Variants in RBFOX1 observed in about 807,000 individuals in gnomAD.
RBFOX1 encodes RNA binding fox-1 homolog 1.
In RBFOX1, 8 loss-of-function variants were observed where a neutral mutation model predicts 57.7. That is an observed-to-expected ratio of 0.14 (90% CI 0.08 to 0.25). The LOEUF (loss-of-function observed/expected upper bound fraction) is 0.25. Among genes scored for constraint, RBFOX1 ranks in the 10% least tolerant of loss-of-function variants. The pLI, the probability that RBFOX1 is intolerant of heterozygous loss-of-function variation, is 1.00. For missense variants in RBFOX1, 611 were observed against 548.5 expected, an observed-to-expected ratio of 1.11 and a Z score of -1.14; for synonymous variants, 326 against 222.4, an observed-to-expected ratio of 1.47 and a Z score of -4.15.
At chr16:5,518,515 G>A (rs1037983071) in intron 2 of RBFOX1, among the ~76,000 whole-genome samples, 5 of 152,194 alleles carry the variant, frequency 3.3e-5, no homozygotes, top group South Asian at 2.1e-4. Flanking sequence ...AACTAATTAA[G>A]TGGGTCAACC....
At chr16:5,400,704 T>C (rs955208126) in intron 1 of RBFOX1, among the ~76,000 whole-genome samples, 2 of 152,168 alleles carry the variant, frequency 1.3e-5, no homozygotes, top group Admixed American at 1.3e-4. Context: ...GTGTAAACTT[T>C]TGAAGGATTC....
chr16:5,258,427 C>A (rs1346281818), intron 1 of RBFOX1, among the ~76,000 whole-genome samples: 1 of 152,062 alleles, frequency 6.6e-6, no homozygotes, highest in Non-Finnish European at 1.5e-5. Context: ...TTTATATGAT[C>A]ATTGTCATAC....
At chr16:7,343,150 C>T (rs777139069) in intron 4 of RBFOX1, among the ~76,000 whole-genome samples, 6 of 152,040 alleles carry the variant, frequency 3.9e-5, no homozygotes, top group Admixed American at 2.0e-4. Context: ...ACACCGTGGG[C>T]GCTTAATAAA....
chr16:6,049,689 C>T (rs142794992), intron 1 of RBFOX1, among the ~76,000 whole-genome samples: 1 of 152,002 alleles, frequency 6.6e-6, no homozygotes, highest in Non-Finnish European at 1.5e-5. Flanking sequence ...TTCTTATTTC[C>T]AATTCTAAAA....
At chr16:6,773,417 G>C (rs1034869633) in intron 3 of RBFOX1, among the ~76,000 whole-genome samples, 1 of 149,100 alleles carries the variant, frequency 6.7e-6, no homozygotes. Flanking sequence ...ATGTGTATGT[G>C]TGGGAGTTGG....
intron 4 of RBFOX1, among the ~76,000 whole-genome samples, chr16:7,187,081 C>T (rs1184175457): frequency 6.6e-6 from 1 of 150,880 alleles, no homozygotes; most frequent in Non-Finnish European, 1.5e-5. Flanking sequence ...GGTAGGAGGA[C>T]CACTTTAGCC....
At chr16:5,988,009 T>G (rs201615399) in intron 4 of RBFOX1, among the ~76,000 whole-genome samples, 1 of 152,188 alleles carries the variant, frequency 6.6e-6, no homozygotes, top group East Asian at 1.9e-4. Flanking sequence ...AATCTCTGCC[T>G]GGCTCTAGCC....
intron 4 of RBFOX1, among the ~76,000 whole-genome samples, chr16:7,306,059 A>G (rs1049672238): frequency 6.6e-6 from 1 of 152,188 alleles, no homozygotes; most frequent in Non-Finnish European, 1.5e-5. Context: ...TTTGCCTTTT[A>G]CATTTACTTC....
chr16:7,467,166 G>C (rs2060674894), intron 4 of RBFOX1, among the ~76,000 whole-genome samples: 1 of 152,180 alleles, frequency 6.6e-6, no homozygotes, highest in Admixed American at 6.6e-5. Context: ...GAGGAAATCA[G>C]ACTTCTTTGC....
At position 7,662,147 on chromosome 16, in the gene RBFOX1, A is replaced by T. The variant is rs4787054; in HGVS notation, c.891-2782A>T. Among the ~76,000 whole-genome samples the T allele has an allele frequency of 2.6e-5, 4 of 152,342 alleles. No homozygotes were observed. In the South Asian group the frequency reaches 8.3e-4, roughly 32 times the overall value. ...GAACAGCCTCCAAGGCCTGGGATCA[A>T]TTCTTCTCTCCGTCATTTACAGAAG... On this transcript the variant is annotated intron_variant, in intron 12 of 15. Coordinates refer to ENST00000550418, the MANE Select transcript of RBFOX1 (RefSeq NM_018723.4).
chr16:7,307,495 T>A (rs1442254479), intron 4 of RBFOX1, among the ~76,000 whole-genome samples: 1 of 152,366 alleles, frequency 6.6e-6, no homozygotes, highest in East Asian at 1.9e-4. Flanking sequence ...GCAACTTTGA[T>A]GTTTACATTA....
chr16:6,408,393 C>T (rs975309870), intron 2 of RBFOX1, among the ~76,000 whole-genome samples: 6 of 152,016 alleles, frequency 3.9e-5, no homozygotes, highest in Non-Finnish European at 5.9e-5. Context: ...ATTTAGAATC[C>T]GGGAGCCAAT....
chr16:7,265,804 A>C (rs955706409), intron 4 of RBFOX1, among the ~76,000 whole-genome samples: 4 of 151,898 alleles, frequency 2.6e-5, no homozygotes, highest in African/African-American at 9.7e-5. Context: ...CCTTTGATAT[A>C]GTTTGGATAT....
intron 4 of RBFOX1, among the ~76,000 whole-genome samples, chr16:7,243,117 A>G (rs1207214086): frequency 2.0e-5 from 3 of 152,146 alleles, no homozygotes; most frequent in African/African-American, 7.2e-5. Flanking sequence ...TCAATATAGA[A>G]TACATTTGAA....
chr16:5,645,662 T>G (rs7196863), intron 3 of RBFOX1, among the ~76,000 whole-genome samples: 243 of 152,234 alleles, frequency 1.6e-3, no homozygotes, highest in Non-Finnish European at 2.7e-3. Flanking sequence ...TATTATGTAT[T>G]TACATACGTA....
intron 2 of RBFOX1, among the ~76,000 whole-genome samples, chr16:6,554,741 C>G (rs1245565464): frequency 1.3e-5 from 2 of 150,874 alleles, no homozygotes; most frequent in Non-Finnish European, 2.9e-5. Context: ...CACACACACA[C>G]ACACACACAC....
At chr16:5,516,017 T>C (rs567396039) in intron 2 of RBFOX1, among the ~76,000 whole-genome samples, 1 of 152,300 alleles carries the variant, frequency 6.6e-6, no homozygotes, top group South Asian at 2.1e-4. Context: ...AGCCACAATA[T>C]TGCCTCCCTC....
chr16:6,703,448 A>T (rs182213240), intron 3 of RBFOX1, among the ~76,000 whole-genome samples: 1 of 152,104 alleles, frequency 6.6e-6, no homozygotes, highest in Non-Finnish European at 1.5e-5. Flanking sequence ...ATCGTGGTAC[A>T]TGCCTGTAGT....
intron 1 of RBFOX1, among the ~76,000 whole-genome samples, chr16:6,209,241 C>T (rs1026011883): frequency 3.3e-5 from 5 of 152,152 alleles, no homozygotes; most frequent in Non-Finnish European, 7.3e-5. Flanking sequence ...ACAAGCAAAA[C>T]ACCAGGGAAG....
Sources: allele counts gnomAD v4.1 joint callset (sites outside exome capture counted in the v4.1 genomes callset), GRCh38; gene constraint gnomAD v4.1.1; transcripts MANE v1.5; gene names NCBI Gene and HGNC (gene_info 2026-07-23, HGNC 2026-07-21).